The following VIPR2 variants were observed in gnomAD, a reference collection of about 807,000 sequenced individuals.
VIPR2 encodes the protein vasoactive intestinal polypeptide receptor 2.
Under a neutral mutation model 58.0 loss-of-function variants are expected in VIPR2, and 48 were observed. The ratio of observed to expected loss-of-function variants is 0.83; its 90% CI spans 0.66 to 1.05. VIPR2 has a LOEUF of 1.05. Among genes scored for constraint, VIPR2 ranks in the 50% least tolerant of loss-of-function variants. The probability of loss-of-function intolerance (pLI) is 0.00; values close to 1 mark genes in which losing one functional copy is unlikely to be tolerated. For missense variants in VIPR2, 534 were observed against 558.0 expected, an observed-to-expected ratio of 0.96 and a Z score of 0.43; for synonymous variants, 243 against 235.2, an observed-to-expected ratio of 1.03 and a Z score of -0.30.
intron 2 of VIPR2, among the ~76,000 whole-genome samples, chr7:159,119,224 C>A (rs779331742): frequency 7.2e-5 from 11 of 152,192 alleles, no homozygotes; most frequent in Non-Finnish European, 1.2e-4. Context: ...GGGGCCCAGG[C>A]ATGCAGGGGT....
intron 2 of VIPR2, among the ~76,000 whole-genome samples, chr7:159,130,556 C>G (rs1186115402): frequency 2.0e-5 from 3 of 151,898 alleles, no homozygotes; most frequent in Admixed American, 1.3e-4. Flanking sequence ...AGGACCATTT[C>G]CCACACCCCT....
In VIPR2 at chr7:159,030,404, T is replaced by C; in HGVS notation, c.*212A>G. ...CGGCTGAAACACATTTTGCACAAGA[T>C]TATCTAAATGCTGGAGTTTAAATCG... On this transcript the variant is annotated 3_prime_UTR_variant, in exon 13 of 13. Coordinates refer to ENST00000262178, the MANE Select transcript of VIPR2 (RefSeq NM_003382.5). The C allele has an allele frequency of 2.0e-6, 1 of 498,396 alleles. No homozygotes were observed. Among genetic ancestry groups the C allele is most frequent in the Non-Finnish European group, 3.3e-6 (1 of 299,262 alleles). 30.9% of individuals were successfully genotyped at this position (498,396 alleles called of 1,614,324 possible). A position where few individuals can be genotyped will look rare whatever the true frequency, so the allele number is the denominator to read the frequency against.
Position 159,144,826 on chromosome 7 carries a change from C to T in VIPR2, c.-55G>A, listed in dbSNP as rs993138261. ...GCGCCCGCCGCCTCCGTCCTAGGTCCCCGCGGTTCCGCCGCCTCCAGCATG... is the reference window on the plus strand; with the variant it reads ...GCGCCCGCCGCCTCCGTCCTAGGTCTCCGCGGTTCCGCCGCCTCCAGCATG... On this transcript the variant is annotated 5_prime_UTR_variant, in exon 1 of 13. Transcript: ENST00000262178. 2.4e-6 allele frequency: 3 copies of T among 1,229,098 alleles called. No homozygotes were observed. Among genetic ancestry groups the T allele is most frequent in the Non-Finnish European group, 3.0e-6 (3 of 985,686 alleles). 76.1% of individuals were successfully genotyped at this position (1,229,098 alleles called of 1,614,324 possible).
At position 159,034,593 on chromosome 7, in the gene VIPR2, T is replaced by C. The variant is rs1432950739; in HGVS notation, c.867A>G (p.Leu289=). The C allele has an allele frequency of 2.5e-6, 4 of 1,613,692 alleles. No homozygotes were observed. The East Asian group carries it at 8.9e-5, about 36-fold the overall frequency. ...VPWWVIRIPI[L]ISIIVNFVLF... ...AGGGACTACTTACGATGATGGAAAT[T>C]AAAATCGGTATTCGTATGACCCACC... The change falls in exon 9 of 13, where the codon TTA becomes TTG. Residue 289 remains leucine, a synonymous_variant. Transcript: ENST00000262178.
Position 159,036,773 on chromosome 7 carries a change from C to A in VIPR2, c.727G>T (p.Ala243Ser). Residue 243 changes from alanine (A) to serine (S), a missense_variant, in exon 7 of 13, where the codon GCC (alanine) becomes TCC (serine). Ala to Ser is a moderately conservative substitution (Grantham distance 99). Transcript: ENST00000262178. ...TTACCCCATCCGATCAGGAGGTAGG[C>A]CAGGAAGCACCTTCTAGGGGGGAGC... ...AMLPPRRCFL[A>S]YLLIGWGLPT... The A allele has an allele frequency of 9.3e-6, 15 of 1,613,490 alleles. No homozygotes were observed. Among genetic ancestry groups the A allele is most frequent in the Non-Finnish European group, 1.1e-5 (13 of 1,179,772 alleles).
chr7:159,123,422 C>A (rs1017563562), intron 2 of VIPR2, among the ~76,000 whole-genome samples: 6 of 151,564 alleles, frequency 4.0e-5, no homozygotes, highest in African/African-American at 1.5e-4. Context: ...TTTTCTGTTC[C>A]TGCATTAGTT....
chr7:159,130,843 T>C (rs1056110829), intron 2 of VIPR2, among the ~76,000 whole-genome samples: 7 of 152,232 alleles, frequency 4.6e-5, no homozygotes, highest in African/African-American at 1.7e-4. Flanking sequence ...TACAGATCCT[T>C]TGAAAAGCTC....
rs1203538320 is a variant in VIPR2 at position 159,093,739 on chromosome 7, G to T, written c.357+10018C>A. Among the ~76,000 whole-genome samples the T allele has an allele frequency of 2.0e-5, 3 of 149,252 alleles. No homozygotes were observed. The highest frequency in any genetic ancestry group is 7.5e-5 in the African/African-American group (3 of 40,228). ...CCTGGGTCCGGACATGGGAGACCCCGCAGCGTCCCTGGGTCCGGAGATGGG... is the reference window on the plus strand; with the variant it reads ...CCTGGGTCCGGACATGGGAGACCCCTCAGCGTCCCTGGGTCCGGAGATGGG... On this transcript the variant is annotated intron_variant, in intron 4 of 12. Coordinates refer to ENST00000262178, the MANE Select transcript of VIPR2 (RefSeq NM_003382.5). The surrounding 1 kb of genome is among the most constrained non-coding windows in gnomAD (Gnocchi z 6.7).
At chr7:159,060,108 A>AATC (rs1273539597) in intron 4 of VIPR2, among the ~76,000 whole-genome samples, 1 of 144,138 alleles carries the variant, frequency 6.9e-6, no homozygotes, top group Middle Eastern at 4.1e-3. Context: ...CACCTCACCT[A>AATC]ATCACCACCT....
intron 3 of VIPR2, among the ~76,000 whole-genome samples, chr7:159,104,394 C>T (rs1008647035): frequency 2.7e-5 from 4 of 149,084 alleles, no homozygotes; most frequent in Admixed American, 6.7e-5. Flanking sequence ...CCCAACAGCA[C>T]GACAGTGACC....
At chr7:159,043,211 G>C in intron 5 of VIPR2, 35 bp from the exon 6 acceptor site, 1 of 1,567,428 alleles carries the variant, frequency 6.4e-7, no homozygotes, top group Non-Finnish European at 8.7e-7. Flanking sequence ...AGGAATTGGA[G>C]GGGGAAGGGG....
At chr7:159,051,316 T>C (rs1176528015) in intron 5 of VIPR2, among the ~76,000 whole-genome samples, 1 of 152,158 alleles carries the variant, frequency 6.6e-6, no homozygotes, top group Non-Finnish European at 1.5e-5. Context: ...AACTCTTGAA[T>C]TGACTGGAAA....
chr7:159,088,011 AG>A (rs1857280298), intron 4 of VIPR2, among the ~76,000 whole-genome samples: 1 of 152,250 alleles, frequency 6.6e-6, no homozygotes, highest in Non-Finnish European at 1.5e-5. Flanking sequence ...TCCAGGCTGC[AG>A]GAAGTCCTGT....
intron 4 of VIPR2, among the ~76,000 whole-genome samples, chr7:159,066,197 G>A (rs1287357639): frequency 1.3e-5 from 2 of 151,456 alleles, no homozygotes; most frequent in Admixed American, 6.6e-5. Flanking sequence ...GCCTGCTCCC[G>A]CACCGTCCAT....
At chr7:159,042,204 G>C (rs1270283939) in intron 6 of VIPR2, among the ~76,000 whole-genome samples, 1 of 152,170 alleles carries the variant, frequency 6.6e-6, no homozygotes, top group Non-Finnish European at 1.5e-5. Context: ...TATCTGCGTG[G>C]AATGCGGGAG....
At chr7:159,134,271 T>A (rs757709357) in intron 2 of VIPR2, among the ~76,000 whole-genome samples, 1 of 152,218 alleles carries the variant, frequency 6.6e-6, no homozygotes, top group Non-Finnish European at 1.5e-5. Flanking sequence ...ACAGTGCATA[T>A]CAGTGTCACT....
At chr7:159,081,918 C>A (rs1290219354) in intron 4 of VIPR2, among the ~76,000 whole-genome samples, 1 of 152,154 alleles carries the variant, frequency 6.6e-6, no homozygotes, top group Non-Finnish European at 1.5e-5. Context: ...CAATGAGATA[C>A]CATATCACAC....
intron 5 of VIPR2, among the ~76,000 whole-genome samples, chr7:159,054,243 G>C (rs949711280): frequency 6.6e-6 from 1 of 152,136 alleles, no homozygotes; most frequent in Non-Finnish European, 1.5e-5. Flanking sequence ...AACATGAAAA[G>C]TTAAAATAAT....
At chr7:159,039,779 T>C (rs1854203542) in intron 6 of VIPR2, among the ~76,000 whole-genome samples, 1 of 152,212 alleles carries the variant, frequency 6.6e-6, no homozygotes, top group Admixed American at 6.5e-5. Context: ...GGAGACACCC[T>C]CTGACCTGGC....
Sources: allele counts gnomAD v4.1 joint callset (sites outside exome capture counted in the v4.1 genomes callset), GRCh38; gene constraint gnomAD v4.1.1; non-coding constraint Gnocchi (gnomAD v3.1); transcripts MANE v1.5; gene names NCBI Gene and HGNC (gene_info 2026-07-23, HGNC 2026-07-21).